DLC1: variants seen among roughly 807,000 people sequenced by gnomAD.
DLC1 encodes the protein rho GTPase-activating protein 7.
DLC1 carries 54 observed loss-of-function variants against 140.3 expected under a neutral mutation model. That is an observed-to-expected ratio of 0.38 (90% CI 0.31 to 0.48). The LOEUF (loss-of-function observed/expected upper bound fraction) is 0.48. Ranked by LOEUF, DLC1 falls within the 20% of genes least tolerant of loss-of-function variation. The probability of loss-of-function intolerance (pLI) is 0.96; values close to 1 mark genes in which losing one functional copy is unlikely to be tolerated. For missense variants in DLC1, 2,536 were observed against 1,907.0 expected (o/e 1.33, Z -6.14); for synonymous variants, 986 against 728.1 (o/e 1.35, Z -5.70).
At chr8:13,480,418 A>G (rs1800674250) in intron 2 of DLC1, among the ~76,000 whole-genome samples, 1 of 152,170 alleles carries the variant, frequency 6.6e-6, no homozygotes, top group Non-Finnish European at 1.5e-5. Flanking sequence ...ATCTTTTAGA[A>G]CTTGATGCCT....
chr8:13,259,018 T>C (rs1456021064), intron 5 of DLC1, among the ~76,000 whole-genome samples: 1 of 151,232 alleles, frequency 6.6e-6, no homozygotes, highest in African/African-American at 2.4e-5. Context: ...GCGCCTGTAC[T>C]CCCAGCTACT....
chr8:13,207,816 A>G (rs952651062), intron 5 of DLC1, among the ~76,000 whole-genome samples: 1 of 152,158 alleles, frequency 6.6e-6, no homozygotes, highest in Non-Finnish European at 1.5e-5. Context: ...GTTCTCCACG[A>G]CAAAGAATTA....
chr8:13,558,960 A>C (rs892558335), intron 1 of DLC1: 1 of 152,328 alleles, frequency 6.6e-6, no homozygotes. Context: ...AACAAAACAA[A>C]ACATTCTTGC....
intron 4 of DLC1, among the ~76,000 whole-genome samples, chr8:13,359,294 T>C (rs1454959): frequency 0.45 from 68,030 of 152,014 alleles, 16,027 homozygotes; most frequent in East Asian, 0.77. Context: ...ACCTGCCTCA[T>C]AAGCTGATTC....
rs1554546967 is a variant in DLC1 at position 13,579,245 on chromosome 8, C to CATACATAT, written c.-126+25291_-126+25292insATATGTAT. 0.011 allele frequency among the ~76,000 whole-genome samples: 205 copies of CATACATAT among 18,884 alleles called. 42 individuals are homozygous for CATACATAT. The East Asian group carries it at 0.14, about 12-fold the overall frequency. 12.4% of individuals were successfully genotyped at this position (18,884 alleles called of 152,430 possible). A position where few individuals can be genotyped will look rare whatever the true frequency, so the allele number is the denominator to read the frequency against. On this transcript the variant is annotated intron_variant, in intron 1 of 1. Transcript: ENST00000631382. ...GGAGCTCTAATTGAGGAACAGGGAGCATATATATATATATATATATATATG... is the reference window on the plus strand; with the variant it reads ...GGAGCTCTAATTGAGGAACAGGGAGCATACATATATATATATATATATATATATATATG...
chr8:13,170,131 T>G (rs139326728), intron 5 of DLC1, among the ~76,000 whole-genome samples: 5,710 of 152,326 alleles, frequency 0.037, 115 homozygotes, highest in Non-Finnish European at 0.044. Flanking sequence ...ATTTAGCATA[T>G]AATTTTTTGG....
intron 7 of DLC1, among the ~76,000 whole-genome samples, chr8:13,109,289 G>A (rs1819859590): frequency 6.6e-6 from 1 of 152,144 alleles, no homozygotes; most frequent in Non-Finnish European, 1.5e-5. Context: ...GGGGTGTGGT[G>A]GCTCACTCCT....
Position 13,424,990 on chromosome 8 carries a change from T to C in DLC1, c.1024-23371A>G, listed in dbSNP as rs149811663. ...ATCATATGCATTTATTGCTAAATATTGACAGGAAGTAAGTGCTGAGAATTC... is the reference window on the plus strand; with the variant it reads ...ATCATATGCATTTATTGCTAAATATCGACAGGAAGTAAGTGCTGAGAATTC... On this transcript the variant is annotated intron_variant, in intron 2 of 17. Coordinates refer to ENST00000276297, the MANE Select transcript of DLC1 (RefSeq NM_182643.3). 3.2e-3 allele frequency among the ~76,000 whole-genome samples: 494 copies of C among 152,290 alleles called. 2 individuals are homozygous for C. The highest frequency in any genetic ancestry group is 0.012 in the African/African-American group (485 of 41,542).
chr8:13,200,244 A>C (rs902057739), intron 5 of DLC1, among the ~76,000 whole-genome samples: 2 of 151,682 alleles, frequency 1.3e-5, no homozygotes, highest in East Asian at 3.9e-4. Flanking sequence ...TATTTTTTTT[A>C]GTAGAGGCGG....
intron 2 of DLC1, among the ~76,000 whole-genome samples, chr8:13,434,174 G>T (rs1839008872): frequency 6.6e-6 from 1 of 152,154 alleles, no homozygotes; most frequent in African/African-American, 2.4e-5. Context: ...ACTGCGCCCA[G>T]CCACAATCAT....
intron 1 of DLC1, among the ~76,000 whole-genome samples, chr8:13,532,165 G>A (rs1252460416): frequency 6.6e-6 from 1 of 152,132 alleles, no homozygotes. Context: ...AAGACTTTGG[G>A]AGCCTTAGGC....
intron 2 of DLC1, among the ~76,000 whole-genome samples, chr8:13,413,811 T>G (rs1393431313): frequency 3.9e-5 from 6 of 152,128 alleles, no homozygotes; most frequent in Non-Finnish European, 7.4e-5. Flanking sequence ...CTCCCAGCCA[T>G]GCGGAACTCT....
At chr8:13,409,069 C>T (rs754936617) in intron 2 of DLC1, among the ~76,000 whole-genome samples, 1 of 151,892 alleles carries the variant, frequency 6.6e-6, no homozygotes, top group South Asian at 2.1e-4. Flanking sequence ...TCTACCGGCA[C>T]TGTTGTAACT....
chr8:13,232,161 G>A (rs759947198), intron 5 of DLC1, among the ~76,000 whole-genome samples: 16 of 152,124 alleles, frequency 1.1e-4, no homozygotes, highest in Non-Finnish European at 1.9e-4. Flanking sequence ...ACAATGTCAC[G>A]AAGGGAATGA....
chr8:13,545,651 G>A (rs1432592463), intron 1 of DLC1, among the ~76,000 whole-genome samples: 1 of 152,080 alleles, frequency 6.6e-6, no homozygotes, highest in Non-Finnish European at 1.5e-5. Flanking sequence ...TTAGCCAGAT[G>A]ATGATACTAA....
intron 1 of DLC1, among the ~76,000 whole-genome samples, chr8:13,525,228 A>T (rs1051461211): frequency 6.6e-5 from 10 of 152,204 alleles, no homozygotes; most frequent in African/African-American, 2.4e-4. Context: ...TTATCCAGTC[A>T]TCTGGTGATG....
At chr8:13,357,963 T>C (rs1469214053) in intron 4 of DLC1, among the ~76,000 whole-genome samples, 2 of 152,230 alleles carry the variant, frequency 1.3e-5, no homozygotes, top group South Asian at 4.1e-4. Context: ...TATATATGTA[T>C]ATACATTAGG....
chr8:13,450,379 C>A (rs917058970), intron 2 of DLC1, among the ~76,000 whole-genome samples: 3 of 138,386 alleles, frequency 2.2e-5, no homozygotes, highest in Admixed American at 1.6e-4. Context: ...CACTTGAACC[C>A]GGAAGGTGGA....
intron 5 of DLC1, among the ~76,000 whole-genome samples, chr8:13,195,677 C>G (rs1827005854): frequency 6.6e-6 from 1 of 152,134 alleles, no homozygotes; most frequent in African/African-American, 2.4e-5. Context: ...AAACAGATTT[C>G]AGATCAACTC....
Sources: gnomAD v4.1 joint callset for allele counts (sites outside exome capture counted in the v4.1 genomes callset) on GRCh38, gnomAD v4.1.1 for gene constraint, MANE v1.5 for transcripts, NCBI Gene and HGNC (gene_info 2026-07-23, HGNC 2026-07-21) for gene names.